PTPRD: variants seen among roughly 807,000 people sequenced by gnomAD.
PTPRD encodes receptor-type tyrosine-protein phosphatase delta.
Under a neutral mutation model 214.5 loss-of-function variants are expected in PTPRD, and 34 were observed. The observed-to-expected ratio is 0.16, with a 90% CI of 0.12 to 0.21. The LOEUF is 0.21. Ranked by LOEUF, PTPRD falls within the 10% of genes least tolerant of loss-of-function variation. The probability of loss-of-function intolerance (pLI) is 1.00; values close to 1 mark genes in which losing one functional copy is unlikely to be tolerated. For synonymous variants in PTPRD, 1,128 were observed against 845.7 expected, an observed-to-expected ratio of 1.33 and a Z score of -5.79; for missense variants, 2,545 against 2,398.7, an observed-to-expected ratio of 1.06 and a Z score of -1.27.
chr9:9,673,782 C>G (rs1052879339), intron 7 of PTPRD, among the ~76,000 whole-genome samples: 2 of 150,508 alleles, frequency 1.3e-5, no homozygotes, highest in African/African-American at 4.9e-5. Flanking sequence ...ACAGAAACCC[C>G]AAAAAGATCA....
chr9:9,693,217 T>C (rs1189405754), intron 7 of PTPRD, among the ~76,000 whole-genome samples: 2 of 152,102 alleles, frequency 1.3e-5, no homozygotes, highest in Non-Finnish European at 2.9e-5. Context: ...TGGTTTAGCT[T>C]TGTGTTCGCA....
intron 8 of PTPRD, among the ~76,000 whole-genome samples, chr9:9,401,279 T>TAC (rs2070340842): frequency 6.6e-6 from 1 of 151,996 alleles, no homozygotes; most frequent in Non-Finnish European, 1.5e-5. Flanking sequence ...TACACACACA[T>TAC]ACACATACGC....
intron 5 of PTPRD, among the ~76,000 whole-genome samples, chr9:9,894,596 T>A (rs1174887359): frequency 1.3e-5 from 2 of 152,212 alleles, no homozygotes; most frequent in African/African-American, 2.4e-5. Flanking sequence ...ACTTTTTCAC[T>A]GAGTTCCTTA....
intron 21 of PTPRD, among the ~76,000 whole-genome samples, chr9:8,513,411 A>G (rs1384364263): frequency 6.6e-6 from 1 of 152,050 alleles, no homozygotes; most frequent in South Asian, 2.1e-4. Context: ...ACTCACTTTG[A>G]TCCTAAATAC....
chr9:9,103,562 GA>G (rs2099794301), intron 10 of PTPRD, among the ~76,000 whole-genome samples: 1 of 151,164 alleles, frequency 6.6e-6, no homozygotes, highest in African/African-American at 2.4e-5. Flanking sequence ...AAAATCTAAA[GA>G]AAAAAATTTA....
chr9:8,586,156 T>C (rs1352305417), intron 14 of PTPRD, among the ~76,000 whole-genome samples: 1 of 152,034 alleles, frequency 6.6e-6, no homozygotes, highest in Non-Finnish European at 1.5e-5. Flanking sequence ...AAAAATTAGC[T>C]AGGCGTGGCG....
intron 3 of PTPRD, among the ~76,000 whole-genome samples, chr9:10,284,571 T>C (rs1438534666): frequency 1.3e-5 from 2 of 152,238 alleles, no homozygotes; most frequent in African/African-American, 2.4e-5. Flanking sequence ...AATAATACTA[T>C]GTTATTATCT....
intron 11 of PTPRD, among the ~76,000 whole-genome samples, chr9:8,933,057 A>C (rs755182629): frequency 1.8e-4 from 28 of 152,002 alleles, no homozygotes; most frequent in Non-Finnish European, 3.7e-4. Context: ...AAAGCATAGT[A>C]TCTGGACCAG....
rs142759380 is a variant in PTPRD, at chr9:9,885,068, C to T, written c.-368+53439G>A. On this transcript the variant is annotated intron_variant, in intron 5 of 45. Transcript: ENST00000381196. ...GGCAGAAAGGCTAGTAAAACTGGTG[C>T]CTGTAGTAACACAAAAAATAAAATA... Among the ~76,000 whole-genome samples the T allele has an allele frequency of 1.9e-3, 291 of 151,884 alleles. 1 individual carries two copies. The highest frequency in any genetic ancestry group is 6.8e-3 in the African/African-American group (281 of 41,428).
intron 10 of PTPRD, among the ~76,000 whole-genome samples, chr9:9,039,975 C>T (rs914926890): frequency 5.6e-5 from 6 of 106,810 alleles, no homozygotes; most frequent in African/African-American, 1.8e-4. Context: ...TTGGAACTTC[C>T]TGTGCATTTT....
rs12686400 is a variant in PTPRD, at chr9:8,387,965, G to A, written c.4386+1267C>T. On this transcript the variant is annotated intron_variant, in intron 37 of 45. Transcript: ENST00000381196. ...TACATCTTTTGAATTGGGTTTGCAT[G>A]TAAAGTATGGCAGATATTTGTCTTC... 1.3e-3 allele frequency among the ~76,000 whole-genome samples: 197 copies of A among 152,288 alleles called. 4 individuals carry two copies. In the East Asian group the frequency reaches 0.034, roughly 26 times the overall value.
At chr9:9,960,222 GAAA>G (rs35855733) in intron 4 of PTPRD, among the ~76,000 whole-genome samples, 63 of 124,270 alleles carry the variant, frequency 5.1e-4, no homozygotes, top group African/African-American at 1.5e-3. Context: ...ATGAAAATTT[GAAA>G]AAAAAAAAAA....
chr9:10,205,278 A>G (rs1010735718), intron 3 of PTPRD, among the ~76,000 whole-genome samples: 4 of 152,056 alleles, frequency 2.6e-5, no homozygotes, highest in Non-Finnish European at 4.4e-5. Context: ...TTTATGTAAC[A>G]TAAATGAACA....
intron 30 of PTPRD, among the ~76,000 whole-genome samples, chr9:8,480,646 A>G (rs2096862083): frequency 1.3e-5 from 2 of 152,240 alleles, no homozygotes; most frequent in Non-Finnish European, 2.9e-5. Flanking sequence ...TGTATACATT[A>G]AATCTGCACA....
chr9:9,973,412 C>T (rs921123223), intron 4 of PTPRD, among the ~76,000 whole-genome samples: 2 of 151,320 alleles, frequency 1.3e-5, no homozygotes, highest in Non-Finnish European at 2.9e-5. Context: ...CAAGAGTTTT[C>T]AGTGAGCTGA....
intron 11 of PTPRD, among the ~76,000 whole-genome samples, chr9:8,874,043 C>G (rs1454631450): frequency 6.6e-6 from 1 of 152,172 alleles, no homozygotes; most frequent in African/African-American, 2.4e-5. Flanking sequence ...TAATACATAA[C>G]TTTTGAACTT....
At chr9:8,832,342 T>C (rs1452373519) in intron 11 of PTPRD, among the ~76,000 whole-genome samples, 2 of 151,708 alleles carry the variant, frequency 1.3e-5, no homozygotes, top group African/African-American at 2.4e-5. Flanking sequence ...TAACAGTGTA[T>C]TTTTGTAATC....
At chr9:8,748,388 G>A (rs902088920) in intron 11 of PTPRD, among the ~76,000 whole-genome samples, 2 of 151,848 alleles carry the variant, frequency 1.3e-5, no homozygotes, top group African/African-American at 4.8e-5. Flanking sequence ...TTGCCTGAGA[G>A]CACAGCAGGA....
At chr9:10,473,518 G>C (rs143465695) in intron 2 of PTPRD, among the ~76,000 whole-genome samples, 11 of 152,236 alleles carry the variant, frequency 7.2e-5, no homozygotes, top group African/African-American at 2.4e-4. Context: ...ACATGCGTGA[G>C]TGTGAGTGTG....
Sources: allele counts gnomAD v4.1 joint callset (sites outside exome capture counted in the v4.1 genomes callset), GRCh38; gene constraint gnomAD v4.1.1; transcripts MANE v1.5; gene names NCBI Gene and HGNC (gene_info 2026-07-23, HGNC 2026-07-21).